Variants in CSMD3 observed in about 807,000 individuals in gnomAD.
The protein encoded by CSMD3 is CUB and Sushi multiple domains 3, also known as CUB and sushi domain-containing protein 3.
In CSMD3, 177 loss-of-function variants were observed where a neutral mutation model predicts 435.2. The ratio of observed to expected loss-of-function variants is 0.41; its 90% confidence interval spans 0.36 to 0.46. CSMD3 has a LOEUF of 0.46. Among genes scored for constraint, CSMD3 ranks in the 20% least tolerant of loss-of-function variants. The probability of loss-of-function intolerance (pLI) is 0.34; values close to 1 mark genes in which losing one functional copy is unlikely to be tolerated. For missense variants in CSMD3, 4,265 were observed against 4,504.6 expected (o/e 0.95, Z 1.52); for synonymous variants, 1,656 against 1,520.5 (o/e 1.09, Z -2.07).
chr8:112,719,149 G>C (rs2131959212), intron 13 of CSMD3, among the ~76,000 whole-genome samples: 1 of 152,182 alleles, frequency 6.6e-6, no homozygotes. Flanking sequence ...TATAAATACT[G>C]TATTTTGCTG....
At chr8:112,880,840 G>C (rs1242433144) in intron 10 of CSMD3, among the ~76,000 whole-genome samples, 1 of 151,970 alleles carries the variant, frequency 6.6e-6, no homozygotes, top group Admixed American at 6.6e-5. Context: ...GGATTTAAGA[G>C]AGTAATATGG....
chr8:113,188,304 C>A (rs1479433889), intron 3 of CSMD3, among the ~76,000 whole-genome samples: 1 of 151,972 alleles, frequency 6.6e-6, no homozygotes, highest in Non-Finnish European at 1.5e-5. Context: ...TTAAAATGGT[C>A]ACTCTTCAAC....
chr8:112,229,413 TTTTTCTTTTTC>T (rs1812878935), intron 69 of CSMD3, among the ~76,000 whole-genome samples: 1 of 152,050 alleles, frequency 6.6e-6, no homozygotes, highest in African/African-American at 2.4e-5. Context: ...CAAACTTTTT[TTTTTCTTTTTC>T]TTTTCTTTTT....
chr8:112,230,787 G>A (rs1410170184), intron 69 of CSMD3, among the ~76,000 whole-genome samples: 1 of 152,012 alleles, frequency 6.6e-6, no homozygotes, highest in African/African-American at 2.4e-5. Context: ...ACTCCAGCCT[G>A]GGTGACAAGA....
At chr8:113,382,275 AGTT>A (rs1395939734) in intron 1 of CSMD3, among the ~76,000 whole-genome samples, 3 of 152,300 alleles carry the variant, frequency 2.0e-5, no homozygotes, top group Non-Finnish European at 4.4e-5. Context: ...CATTAGCATT[AGTT>A]GTTATGATTT....
intron 10 of CSMD3, among the ~76,000 whole-genome samples, chr8:112,913,792 C>CT (rs2082496524): frequency 1.3e-5 from 2 of 151,204 alleles, no homozygotes; most frequent in African/African-American, 4.9e-5. Context: ...ATCTCTATGT[C>CT]TGTCTTTCTT....
intron 37 of CSMD3, among the ~76,000 whole-genome samples, chr8:112,382,632 T>C (rs1829578716): frequency 6.6e-6 from 1 of 152,170 alleles, no homozygotes; most frequent in Admixed American, 6.6e-5. Flanking sequence ...AAGTAAAACT[T>C]TTTATTTTAA....
intron 27 of CSMD3, among the ~76,000 whole-genome samples, chr8:112,532,322 T>A (rs1825619943): frequency 6.6e-6 from 1 of 151,900 alleles, no homozygotes; most frequent in Non-Finnish European, 1.5e-5. Context: ...ACAGAGAACA[T>A]TCCAAATTTA....
At chr8:113,178,314 G>A (rs1000751566) in intron 3 of CSMD3, among the ~76,000 whole-genome samples, 35 of 151,830 alleles carry the variant, frequency 2.3e-4, no homozygotes, top group African/African-American at 8.0e-4. Context: ...GCAGACTTGT[G>A]GTTCAAACCT....
At chr8:113,182,772 A>G (rs902654543) in intron 3 of CSMD3, among the ~76,000 whole-genome samples, 1 of 152,000 alleles carries the variant, frequency 6.6e-6, no homozygotes, top group African/African-American at 2.4e-5. Context: ...TGCTGCAAAT[A>G]TTGAATTAGA....
intron 32 of CSMD3, among the ~76,000 whole-genome samples, chr8:112,438,885 T>C (rs1289944114): frequency 1.3e-5 from 2 of 152,226 alleles, no homozygotes; most frequent in Non-Finnish European, 2.9e-5. Context: ...AGTTTATTAA[T>C]ACTCTTTCTG....
In CSMD3 at chr8:112,289,326, T is replaced by G. The variant is rs759938687; in HGVS notation, c.9148+39A>C. ...GCTACTACTACTACTAACAATAATGTAATTTCCAACACATATTGTCCAATT... is the reference window on the plus strand; with the variant it reads ...GCTACTACTACTACTAACAATAATGGAATTTCCAACACATATTGTCCAATT... On this transcript the variant is annotated intron_variant, in intron 57 of 70. Coordinates refer to ENST00000297405, the MANE Select transcript of CSMD3 (RefSeq NM_198123.2). The G allele has an allele frequency of 1.9e-6, 3 of 1,539,830 alleles. No individual in the cohort carries two copies. In the East Asian group the frequency reaches 6.7e-5, roughly 35 times the overall value.
At chr8:112,488,556 A>C (rs776641793) in intron 31 of CSMD3, among the ~76,000 whole-genome samples, 5 of 152,218 alleles carry the variant, frequency 3.3e-5, no homozygotes, top group Admixed American at 6.5e-5. Context: ...CTCAAAAGCA[A>C]TGCCTACCAG....
At chr8:112,710,353 T>C (rs1035030594) in intron 13 of CSMD3, among the ~76,000 whole-genome samples, 3 of 152,090 alleles carry the variant, frequency 2.0e-5, no homozygotes, top group Non-Finnish European at 4.4e-5. Context: ...GTAACACGTC[T>C]TTCTGGCTTT....
chr8:112,807,370 TA>T (rs1328546634), intron 12 of CSMD3, among the ~76,000 whole-genome samples: 1 of 152,142 alleles, frequency 6.6e-6, no homozygotes, highest in Non-Finnish European at 1.5e-5. Flanking sequence ...TGGCCCTATT[TA>T]AGGTTTTGTA....
intron 2 of CSMD3, among the ~76,000 whole-genome samples, chr8:113,288,954 A>C (rs1403572906): frequency 6.6e-6 from 1 of 151,742 alleles, no homozygotes; most frequent in Non-Finnish European, 1.5e-5. Flanking sequence ...TTTTACCATA[A>C]TTATTTTGAT....
chr8:112,363,025 G>C (rs568296798), intron 38 of CSMD3, among the ~76,000 whole-genome samples: 67 of 152,070 alleles, frequency 4.4e-4, no homozygotes, highest in African/African-American at 1.6e-3. Flanking sequence ...AACCAACACA[G>C]GTATTTGAAC....
At chr8:112,780,090 C>A (rs1223323430) in intron 13 of CSMD3, among the ~76,000 whole-genome samples, 3 of 152,022 alleles carry the variant, frequency 2.0e-5, no homozygotes, top group Non-Finnish European at 2.9e-5. Flanking sequence ...AAAACACATT[C>A]TTTTCATAGG....
rs536918007 is a variant in CSMD3, at chr8:113,416,730, GA to G, written c.178+19946del. On this transcript the variant is annotated intron_variant, in intron 1 of 70. Transcript: ENST00000297405. ...AAGAATGTTCTACTAAATTATTAGT[GA>G]ATTATAAAGCTTTCACTTGGTTGTG... Among the ~76,000 whole-genome samples, 46 of 152,162 alleles carry G rather than the reference GA, an allele frequency of 3.0e-4. No homozygotes were observed. In the South Asian group the frequency reaches 9.3e-3, roughly 31 times the overall value.
Sources: allele counts gnomAD v4.1 joint callset (sites outside exome capture counted in the v4.1 genomes callset), GRCh38; gene constraint gnomAD v4.1.1; transcripts MANE v1.5; gene names NCBI Gene and HGNC (gene_info 2026-07-23, HGNC 2026-07-21).